RGS7BP: variants seen among roughly 807,000 people sequenced by gnomAD.
RGS7BP encodes regulator of G protein signaling 7 binding protein.
RGS7BP carries 9 observed loss-of-function variants against 31.3 expected under a neutral mutation model. The observed-to-expected ratio is 0.29, with a 90% confidence interval of 0.17 to 0.50. The LOEUF (loss-of-function observed/expected upper bound fraction) is 0.50, where lower values mean the gene tolerates loss of function less well. Ranked by LOEUF, RGS7BP falls within the 20% of genes least tolerant of loss-of-function variation. RGS7BP has a pLI of 0.98. For synonymous variants in RGS7BP, 115 were observed against 120.1 expected, an observed-to-expected ratio of 0.96 and a Z score of 0.28; for missense variants, 274 against 322.0, an observed-to-expected ratio of 0.85 and a Z score of 1.14.
rs1236971355 is a variant in RGS7BP at position 64,575,903 on chromosome 5, A to C, written c.462A>C (p.Lys154Asn). The C allele has an allele frequency of 2.5e-6, 4 of 1,604,814 alleles. No homozygotes were observed. Among genetic ancestry groups the C allele is most frequent in the Non-Finnish European group, 8.5e-7 (1 of 1,177,066 alleles). ...CLLGSLQFHR[K>N]GKEPGGGTKS... is the part of the protein sequence containing the mutation. ...TGGGGTCTCTTCAGTTTCATCGAAAAGGTATCTACATTTAATATTGCCGGA... is the reference window on the plus strand; with the variant it reads ...TGGGGTCTCTTCAGTTTCATCGAAACGGTATCTACATTTAATATTGCCGGA... The change falls in exon 3 of 6, where the codon AAA (lysine) becomes AAC (asparagine). Residue 154 changes from lysine (K) to asparagine (N), a missense_variant and splice_region_variant. Physicochemically the swap from Lys to Asn is moderately conservative, Grantham distance 94. Around this residue, in one of 3 missense-constraint regions of RGS7BP, gnomAD observed 112 missense variants for 130.9 expected, o/e 0.86. Transcript: ENST00000334025.
At chr5:64,581,975 A>G (rs1311711123) in intron 3 of RGS7BP, among the ~76,000 whole-genome samples, 1 of 152,258 alleles carries the variant, frequency 6.6e-6, no homozygotes, top group African/African-American at 2.4e-5. Context: ...TATCAGATAG[A>G]GAGTGGCTCT....
intron 2 of RGS7BP, among the ~76,000 whole-genome samples, chr5:64,551,123 T>C (rs1741783633): frequency 6.6e-6 from 1 of 151,852 alleles, no homozygotes; most frequent in South Asian, 2.1e-4. Flanking sequence ...ACTCTCTGTA[T>C]TGGGTTTTCT....
At chr5:64,601,735 C>A (rs902029245) in intron 5 of RGS7BP, among the ~76,000 whole-genome samples, 1 of 152,130 alleles carries the variant, frequency 6.6e-6, no homozygotes, top group African/African-American at 2.4e-5. Flanking sequence ...TTATGATAGT[C>A]TCGCTGTGTC....
intron 2 of RGS7BP, among the ~76,000 whole-genome samples, chr5:64,536,850 G>A (rs1165266425): frequency 6.6e-6 from 1 of 152,010 alleles, no homozygotes. Context: ...AAAAAGAGCT[G>A]TTAACATAAA....
chr5:64,528,049 G>A (rs1011810979), intron 2 of RGS7BP, among the ~76,000 whole-genome samples: 5 of 152,120 alleles, frequency 3.3e-5, no homozygotes, highest in Non-Finnish European at 5.9e-5. Context: ...TATTTATTAC[G>A]AAGATATATG....
chr5:64,512,746 T>C (rs1245867588), intron 2 of RGS7BP, among the ~76,000 whole-genome samples: 1 of 152,240 alleles, frequency 6.6e-6, no homozygotes, highest in Non-Finnish European at 1.5e-5. Flanking sequence ...CCTTGGTTTC[T>C]TATATTACAT....
chr5:64,589,321 A>G (rs1742845941), intron 3 of RGS7BP, among the ~76,000 whole-genome samples: 1 of 152,000 alleles, frequency 6.6e-6, no homozygotes, highest in South Asian at 2.1e-4. Flanking sequence ...AAAAAGTTAC[A>G]GAGGGGAAAA....
At position 64,609,395 on chromosome 5, in the gene RGS7BP, C is replaced by T; in HGVS notation, c.*143C>T. On this transcript the variant is annotated 3_prime_UTR_variant, in exon 6 of 6. Coordinates refer to ENST00000334025, the MANE Select transcript of RGS7BP (RefSeq NM_001029875.3). ...ATTACTTTTATCTGCCTCCCCCTGC[C>T]CTTTTAAATGATTTTACACTTGAAA... 1.7e-6 allele frequency: 1 copy of T among 592,702 alleles called. No homozygotes were observed. Among genetic ancestry groups the T allele is most frequent in the Non-Finnish European group, 3.1e-6 (1 of 327,750 alleles). 36.7% of individuals were successfully genotyped at this position (592,702 alleles called of 1,614,324 possible).
intron 3 of RGS7BP, among the ~76,000 whole-genome samples, chr5:64,585,593 C>T (rs530332616): frequency 6.6e-5 from 10 of 152,072 alleles, no homozygotes; most frequent in African/African-American, 1.9e-4. Context: ...CCTAAAGCTG[C>T]GAGTGCTCTA....
At chr5:64,554,279 A>G (rs1462846348) in intron 2 of RGS7BP, among the ~76,000 whole-genome samples, 1 of 152,148 alleles carries the variant, frequency 6.6e-6, no homozygotes, top group South Asian at 2.1e-4. Context: ...CCTGCACTAT[A>G]CAACTGTTTC....
chr5:64,531,392 G>A (rs574004009), intron 2 of RGS7BP, among the ~76,000 whole-genome samples: 40 of 152,164 alleles, frequency 2.6e-4, no homozygotes, highest in Middle Eastern at 6.8e-3. Flanking sequence ...AGTCATTGGA[G>A]ACTCAATCAA....
At chr5:64,591,055 G>A (rs1218019540) in intron 3 of RGS7BP, among the ~76,000 whole-genome samples, 1 of 152,058 alleles carries the variant, frequency 6.6e-6, no homozygotes, top group African/African-American at 2.4e-5. Flanking sequence ...AAGATGAACA[G>A]CTTTGACTAT....
At chr5:64,607,434 G>C (rs1252650051) in intron 5 of RGS7BP, among the ~76,000 whole-genome samples, 1 of 152,056 alleles carries the variant, frequency 6.6e-6, no homozygotes, top group Non-Finnish European at 1.5e-5. Context: ...ATACACATAA[G>C]ATGTATATCG....
intron 5 of RGS7BP, among the ~76,000 whole-genome samples, chr5:64,599,382 A>G (rs965712161): frequency 6.6e-6 from 1 of 152,172 alleles, no homozygotes; most frequent in African/African-American, 2.4e-5. Context: ...ACAGGGTGCC[A>G]CTTGCCTTGA....
In RGS7BP at chr5:64,586,538, C is replaced by T. The variant is rs184197208; in HGVS notation, c.464-8172C>T. 5.9e-5 allele frequency among the ~76,000 whole-genome samples: 9 copies of T among 152,288 alleles called. No homozygotes were observed. The East Asian group carries it at 1.5e-3, about 26-fold the overall frequency. ...TAACTTTCTTCAGATTTTCCTGACCCTCCAAGCCTGGGCCAATGCCCACTC... is the reference window on the plus strand; with the variant it reads ...TAACTTTCTTCAGATTTTCCTGACCTTCCAAGCCTGGGCCAATGCCCACTC... On this transcript the variant is annotated intron_variant, in intron 3 of 5. Coordinates refer to ENST00000334025, the MANE Select transcript of RGS7BP (RefSeq NM_001029875.3).
At chr5:64,520,479 T>C (rs936315886) in intron 2 of RGS7BP, among the ~76,000 whole-genome samples, 1 of 152,228 alleles carries the variant, frequency 6.6e-6, no homozygotes, top group African/African-American at 2.4e-5. Context: ...AAATGGATCT[T>C]GGCTCTGCAT....
chr5:64,529,629 G>T (rs867537942), intron 2 of RGS7BP, among the ~76,000 whole-genome samples: 1 of 152,178 alleles, frequency 6.6e-6, no homozygotes, highest in Non-Finnish European at 1.5e-5. Flanking sequence ...GCATGGCCTG[G>T]GTTCCAGAAT....
intron 3 of RGS7BP, among the ~76,000 whole-genome samples, chr5:64,590,484 T>A (rs1742883934): frequency 6.6e-6 from 1 of 151,858 alleles, no homozygotes; most frequent in African/African-American, 2.4e-5. Flanking sequence ...CTTTATGCTA[T>A]TAAAAATGTA....
At chr5:64,520,883 A>G (rs1450629192) in intron 2 of RGS7BP, among the ~76,000 whole-genome samples, 2 of 152,226 alleles carry the variant, frequency 1.3e-5, no homozygotes, top group African/African-American at 4.8e-5. Context: ...AGGAAGTAAC[A>G]TTGAGGCTGG....
Sources: gnomAD v4.1 joint callset for allele counts (sites outside exome capture counted in the v4.1 genomes callset) on GRCh38, gnomAD v4.1.1 for gene constraint, gnomAD v4.1.1 regional missense constraint, MANE v1.5 for transcripts, NCBI Gene and HGNC (gene_info 2026-07-23, HGNC 2026-07-21) for gene names.